SFXN5: variants seen among roughly 807,000 people sequenced by gnomAD.
The protein encoded by SFXN5 is sideroflexin-5.
A neutral mutation model predicts 50.2 loss-of-function variants in SFXN5; 43 were observed. The ratio of observed to expected loss-of-function variants is 0.86; its 90% CI spans 0.67 to 1.11. SFXN5 has a LOEUF of 1.11. Ranked by LOEUF, SFXN5 falls within the 50% of genes least tolerant of loss-of-function variation. The pLI is 0.00. For missense variants in SFXN5, 463 were observed against 454.1 expected, an observed-to-expected ratio of 1.02 and a Z score of -0.18; for synonymous variants, 203 against 185.8, an observed-to-expected ratio of 1.09 and a Z score of -0.75.
intron 13 of SFXN5, chr2:72,956,948 TCTC>T: frequency 2.2e-6 from 1 of 445,172 alleles, no homozygotes; most frequent in South Asian, 1.6e-5. Flanking sequence ...GCCACCTAAG[TCTC>T]CTCCACTCCT....
chr2:73,047,249 T>TATATATATATATATATATATACACACAC (rs1680523730), intron 2 of SFXN5, among the ~76,000 whole-genome samples: 17 of 19,312 alleles, frequency 8.8e-4, no homozygotes, highest in East Asian at 1.7e-3. Context: ...AAAAAAAATA[T>TATATATATATATATATATATACACACAC]ATATATATAT....
intron 10 of SFXN5, among the ~76,000 whole-genome samples, chr2:72,979,564 G>A (rs1418668434): frequency 2.0e-5 from 3 of 152,158 alleles, no homozygotes; most frequent in Non-Finnish European, 4.4e-5. Flanking sequence ...AACCCAGGAG[G>A]CGGAGGTTGC....
At chr2:73,048,149 T>C (rs558720426) in intron 2 of SFXN5, among the ~76,000 whole-genome samples, 42 of 152,374 alleles carry the variant, frequency 2.8e-4, no homozygotes, top group Middle Eastern at 3.4e-3. Context: ...ACACGTATCA[T>C]GCATATGTGC....
chr2:72,968,925 C>T (rs1674816367), intron 11 of SFXN5, among the ~76,000 whole-genome samples: 1 of 152,014 alleles, frequency 6.6e-6, no homozygotes, highest in Non-Finnish European at 1.5e-5. Flanking sequence ...GTCTCAGCCT[C>T]CCGAGTAGCT....
At chr2:72,994,332 A>G (rs933686800) in intron 9 of SFXN5, among the ~76,000 whole-genome samples, 3 of 152,168 alleles carry the variant, frequency 2.0e-5, no homozygotes, top group Non-Finnish European at 4.4e-5. Flanking sequence ...TCAGTAAGCA[A>G]TGGGAACTGG....
intron 10 of SFXN5, among the ~76,000 whole-genome samples, chr2:72,986,056 C>T (rs770535392): frequency 7.2e-5 from 11 of 152,236 alleles, no homozygotes; most frequent in Non-Finnish European, 1.5e-4. Flanking sequence ...CTGCATCTGA[C>T]CCTGCAGCTG....
intron 3 of SFXN5, 131 bp from the exon 4 acceptor site, chr2:73,023,345 T>G: frequency 1.2e-6 from 1 of 857,112 alleles, no homozygotes. Context: ...CGGGCTATCC[T>G]TGCCAGCCCA....
intron 5 of SFXN5, chr2:73,020,626 T>C (rs1004459528): frequency 4.4e-6 from 1 of 226,448 alleles, no homozygotes; most frequent in Admixed American, 5.6e-5. Context: ...GCTCACTACA[T>C]GAGGCTGAAC....
intron 8 of SFXN5, among the ~76,000 whole-genome samples, chr2:72,999,382 C>G (rs1230159235): frequency 6.6e-6 from 1 of 151,966 alleles, no homozygotes; most frequent in African/African-American, 2.4e-5. Flanking sequence ...CATTTGGCAT[C>G]TGGAGCGCTT....
rs1392791973 is a variant in SFXN5, at chr2:72,953,484, G to T, written c.945+7647C>A. 6.6e-6 allele frequency among the ~76,000 whole-genome samples: 1 copy of T among 152,172 alleles called. No homozygotes were observed. Among genetic ancestry groups the T allele is most frequent in the Non-Finnish European group, 1.5e-5 (1 of 68,032 alleles). ...TGTCTCTGGCCTCGCATCAACCCTG[G>T]AAGAGTGGGAGAAGCAGGGACCAAC... On this transcript the variant is annotated intron_variant, in intron 13 of 13. Transcript: ENST00000272433. This position sits in a 1 kb window ranked among gnomAD's most constrained non-coding sequence, Gnocchi z 4.1.
intron 13 of SFXN5, among the ~76,000 whole-genome samples, chr2:72,957,456 GGTTA>G (rs1673232416): frequency 6.6e-6 from 1 of 152,168 alleles, no homozygotes; most frequent in African/African-American, 2.4e-5. Flanking sequence ...CAATCTCTGG[GGTTA>G]GTGAGTTGGA....
At chr2:72,958,281 ACT>A (rs955744531) in intron 13 of SFXN5, among the ~76,000 whole-genome samples, 1 of 151,960 alleles carries the variant, frequency 6.6e-6, no homozygotes, top group Non-Finnish European at 1.5e-5. Flanking sequence ...AGGGAGAGAA[ACT>A]CAGCCACAGG....
At chr2:73,058,894 TA>T (rs1291613668) in intron 1 of SFXN5, 5 of 385,734 alleles carry the variant, frequency 1.3e-5, no homozygotes, top group African/African-American at 2.1e-5. Flanking sequence ...CTGAGCCTAT[TA>T]AAAGCTCCCA....
chr2:72,964,232 T>C (rs970307171), intron 12 of SFXN5, among the ~76,000 whole-genome samples: 1 of 152,226 alleles, frequency 6.6e-6, no homozygotes, highest in African/African-American at 2.4e-5. Flanking sequence ...ACTCCGTTAA[T>C]TTGTAAGTGT....
intron 3 of SFXN5, among the ~76,000 whole-genome samples, chr2:73,026,023 G>T (rs1381806911): frequency 6.6e-6 from 1 of 152,140 alleles, no homozygotes; most frequent in Non-Finnish European, 1.5e-5. Context: ...AAACAGAAAG[G>T]CTCCCAGAGA....
Position 72,948,738 on chromosome 2 carries a change from G to A in SFXN5, c.946-3639C>T, listed in dbSNP as rs1672217183. 2.0e-5 allele frequency among the ~76,000 whole-genome samples: 3 copies of A among 152,222 alleles called. No individual in the cohort carries two copies. In the South Asian group the frequency reaches 6.2e-4, roughly 31 times the overall value. On this transcript the variant is annotated intron_variant, in intron 13 of 13. Transcript: ENST00000272433. ...CAGGTAGGAGCAGGGGGAGATGCAGGCAGTGGGAAGGCTCCTGGGGGAGGT... is the reference window on the plus strand; with the variant it reads ...CAGGTAGGAGCAGGGGGAGATGCAGACAGTGGGAAGGCTCCTGGGGGAGGT...
At chr2:73,003,692 C>G (rs72920409) in intron 6 of SFXN5, among the ~76,000 whole-genome samples, 9,722 of 152,240 alleles carry the variant, frequency 0.064, 969 homozygotes, top group African/African-American at 0.22. Flanking sequence ...CCTAACCTTC[C>G]CTTTGTCTCA....
chr2:72,989,902 G>A (rs548485997), intron 9 of SFXN5, among the ~76,000 whole-genome samples: 2 of 152,298 alleles, frequency 1.3e-5, no homozygotes, highest in Admixed American at 1.3e-4. Flanking sequence ...CTGGCCTGAC[G>A]GGCCGGGGCA....
rs529290810 is a variant in SFXN5, at chr2:72,993,105, T to C, written c.535-4757A>G. On this transcript the variant is annotated intron_variant, in intron 9 of 13. Coordinates refer to ENST00000272433, the MANE Select transcript of SFXN5 (RefSeq NM_144579.3). ...GCATCAGTCATTATGGGGGTCCAAA[T>C]AGCCCTGAAGAACAATGGAGTAAGG... 2.0e-5 allele frequency among the ~76,000 whole-genome samples: 3 copies of C among 152,202 alleles called. No individual in the cohort carries two copies. The South Asian group carries it at 6.2e-4, about 32-fold the overall frequency.
Sources: allele counts gnomAD v4.1 joint callset (sites outside exome capture counted in the v4.1 genomes callset), GRCh38; gene constraint gnomAD v4.1.1; non-coding constraint Gnocchi (gnomAD v3.1); transcripts MANE v1.5; gene names NCBI Gene and HGNC (gene_info 2026-07-23, HGNC 2026-07-21).